The following PCDH9 variants were observed in gnomAD, a reference collection of about 807,000 sequenced individuals.
PCDH9 encodes protocadherin-9.
A neutral mutation model predicts 70.6 loss-of-function variants in PCDH9; 24 were observed. That is an observed-to-expected ratio of 0.34 (90% CI 0.25 to 0.48). The LOEUF (loss-of-function observed/expected upper bound fraction) is 0.48. Ranked by LOEUF, PCDH9 falls within the 20% of genes least tolerant of loss-of-function variation. The probability of loss-of-function intolerance (pLI) is 0.99; values close to 1 mark genes in which losing one functional copy is unlikely to be tolerated. For synonymous variants in PCDH9, 562 were observed against 558.5 expected (o/e 1.01, Z -0.09); for missense variants, 1,281 against 1,503.6 (o/e 0.85, Z 2.45).
chr13:66,597,087 A>G (rs1226583134), intron 4 of PCDH9, among the ~76,000 whole-genome samples: 3 of 151,692 alleles, frequency 2.0e-5, no homozygotes, highest in African/African-American at 7.2e-5. Flanking sequence ...GACATTAGTC[A>G]GCTGACCATC....
At chr13:66,484,272 T>TTGAGACACACGTCCACTGGGGATTCAGGA (rs1459591691) in intron 4 of PCDH9, among the ~76,000 whole-genome samples, 1 of 151,982 alleles carries the variant, frequency 6.6e-6, no homozygotes, top group Non-Finnish European at 1.5e-5. Context: ...AGAGAGCACC[T>TTGAGACACACGTCCACTGGGGATTCAGGA]TGAGACACAC....
At chr13:67,222,432 G>A (rs2089751407) in intron 2 of PCDH9, 2 of 151,964 alleles carry the variant, frequency 1.3e-5, no homozygotes, top group African/African-American at 4.8e-5. Flanking sequence ...TGTTTCCTAT[G>A]TTCTTTGCAG....
At position 67,197,832 on chromosome 13, in the gene PCDH9, T is replaced by A. The variant is rs2089110600; in HGVS notation, c.3036+27573A>T. Reference sequence around the variant, plus strand: ...ATATTACATGTATGTATTTAGCACATATATTTTAAAAATCCTCTTAAATGT... The same window carrying A: ...ATATTACATGTATGTATTTAGCACAAATATTTTAAAAATCCTCTTAAATGT... On this transcript the variant is annotated intron_variant, in intron 2 of 4. Transcript: ENST00000377865. Among the ~76,000 whole-genome samples, 3 of 152,010 alleles carry A rather than the reference T, an allele frequency of 2.0e-5. No homozygotes were observed. The South Asian group carries it at 6.2e-4, about 31-fold the overall frequency.
At chr13:66,410,799 AT>A (rs747297960) in intron 4 of PCDH9, among the ~76,000 whole-genome samples, 30 of 152,130 alleles carry the variant, frequency 2.0e-4, no homozygotes, top group East Asian at 5.8e-4. Flanking sequence ...TAAAATGCCG[AT>A]TTTTTTTCCA....
chr13:67,192,589 TA>T (rs1215361849), intron 2 of PCDH9, among the ~76,000 whole-genome samples: 1 of 152,088 alleles, frequency 6.6e-6, no homozygotes, highest in Non-Finnish European at 1.5e-5. Flanking sequence ...AATTCAAAAT[TA>T]GGGGGGTGGT....
intron 2 of PCDH9, among the ~76,000 whole-genome samples, chr13:67,072,604 A>G (rs2138158949): frequency 1.3e-5 from 2 of 152,212 alleles, no homozygotes; most frequent in Middle Eastern, 3.4e-3. Flanking sequence ...AGAAAGAGAT[A>G]TTGCATTTTC....
At chr13:66,423,911 G>A (rs568207538) in intron 4 of PCDH9, among the ~76,000 whole-genome samples, 4 of 152,106 alleles carry the variant, frequency 2.6e-5, no homozygotes, top group African/African-American at 9.7e-5. Context: ...TGATATGATT[G>A]TATATTTAGA....
At chr13:66,567,671 A>G (rs1255383828) in intron 4 of PCDH9, among the ~76,000 whole-genome samples, 1 of 152,196 alleles carries the variant, frequency 6.6e-6, no homozygotes, top group Non-Finnish European at 1.5e-5. Context: ...GCTTACCACC[A>G]TTATCAACAA....
intron 4 of PCDH9, among the ~76,000 whole-genome samples, chr13:66,444,671 C>CT: frequency 6.6e-6 from 1 of 152,264 alleles, no homozygotes; most frequent in East Asian, 1.9e-4. Context: ...AGCGATTCTC[C>CT]TGTCTCAGTC....
At chr13:67,182,073 C>G (rs1274931849) in intron 2 of PCDH9, among the ~76,000 whole-genome samples, 1 of 152,086 alleles carries the variant, frequency 6.6e-6, no homozygotes, top group African/African-American at 2.4e-5. Flanking sequence ...CACTTGTTAC[C>G]AACATCAGTT....
intron 2 of PCDH9, among the ~76,000 whole-genome samples, chr13:67,058,134 A>T (rs1290845412): frequency 6.6e-6 from 1 of 152,110 alleles, no homozygotes; most frequent in Non-Finnish European, 1.5e-5. Flanking sequence ...AATGTTTGCT[A>T]TGTTATTGGA....
At chr13:66,453,508 C>G (rs1199497872) in intron 4 of PCDH9, among the ~76,000 whole-genome samples, 1 of 142,858 alleles carries the variant, frequency 7.0e-6, no homozygotes, top group African/African-American at 2.6e-5. Context: ...TCTTTAAAGG[C>G]AGACTTGTTC....
At chr13:66,517,682 C>A (rs1194464904) in intron 4 of PCDH9, among the ~76,000 whole-genome samples, 5 of 152,068 alleles carry the variant, frequency 3.3e-5, no homozygotes, top group African/African-American at 1.2e-4. Flanking sequence ...CTAAACTTGG[C>A]CTTCAGGAAA....
Position 67,227,472 on chromosome 13 carries a change from T to C in PCDH9, c.969A>G (p.Thr323=). 6.2e-7 allele frequency: 1 copy of C among 1,613,926 alleles called. No individual in the cohort carries two copies. The highest frequency in any genetic ancestry group is 8.5e-7 in the Non-Finnish European group (1 of 1,179,846). ...CCAGCACTGTCACTTTGTGAATGGCTGTCTCCTCTCTATCTAAGGACCTCT... is the reference window on the plus strand; with the variant it reads ...CCAGCACTGTCACTTTGTGAATGGCCGTCTCCTCTCTATCTAAGGACCTCT... ...TVQRSLDREE[T]AIHKVTVLAS... is the part of the protein sequence containing the mutation. The change falls in exon 2 of 5, where the codon ACA becomes ACG. Residue 323 remains threonine (T), a synonymous_variant. Transcript: ENST00000377865. This position sits in a 1 kb window ranked among gnomAD's most constrained non-coding sequence, Gnocchi z 4.6.
At chr13:66,723,997 G>C (rs2078974220) in intron 3 of PCDH9, among the ~76,000 whole-genome samples, 1 of 152,216 alleles carries the variant, frequency 6.6e-6, no homozygotes, top group Admixed American at 6.5e-5. Context: ...ACAAAATTTA[G>C]AGAAGAAAAA....
intron 3 of PCDH9, among the ~76,000 whole-genome samples, chr13:66,794,487 G>A (rs773513510): frequency 1.8e-4 from 27 of 152,128 alleles, no homozygotes; most frequent in Admixed American, 9.2e-4. Flanking sequence ...TGCCAGAAGC[G>A]TTTAGCATCT....
At chr13:67,207,537 T>C (rs553536766) in intron 2 of PCDH9, 25 of 152,312 alleles carry the variant, frequency 1.6e-4, no homozygotes, top group African/African-American at 5.8e-4. Flanking sequence ...TCAGTTATTA[T>C]CATTAGCTGG....
intron 4 of PCDH9, among the ~76,000 whole-genome samples, chr13:66,405,555 T>C (rs1957266376): frequency 6.6e-6 from 1 of 152,098 alleles, no homozygotes; most frequent in South Asian, 2.1e-4. Context: ...AAGGAGAAGG[T>C]GCCAAATACT....
chr13:67,133,116 C>T (rs1594556248), intron 2 of PCDH9, among the ~76,000 whole-genome samples: 1 of 152,062 alleles, frequency 6.6e-6, no homozygotes, highest in South Asian at 2.1e-4. Context: ...TGTGCTCATA[C>T]AATCTATGTA....
Sources: allele counts gnomAD v4.1 joint callset (sites outside exome capture counted in the v4.1 genomes callset), GRCh38; gene constraint gnomAD v4.1.1; non-coding constraint Gnocchi (gnomAD v3.1); transcripts MANE v1.5; gene names NCBI Gene and HGNC (gene_info 2026-07-23, HGNC 2026-07-21).